Variants in GRIK4 observed in about 807,000 individuals in gnomAD.
GRIK4 encodes the protein glutamate ionotropic receptor kainate type subunit 4, also known as glutamate receptor ionotropic, kainate 4.
In GRIK4, 40 loss-of-function variants were observed where a neutral mutation model predicts 104.9. The ratio of observed to expected loss-of-function variants is 0.38; its 90% CI spans 0.30 to 0.50. GRIK4 has a LOEUF of 0.50. GRIK4 is among the 20% of genes least tolerant of loss of function. The pLI is 0.93. For missense variants in GRIK4, 1,047 were observed against 1,308.1 expected (o/e 0.80, Z 3.08); for synonymous variants, 485 against 524.9 (o/e 0.92, Z 1.04).
At chr11:120,784,366 G>A (rs868839836) in intron 3 of GRIK4, among the ~76,000 whole-genome samples, 5 of 152,134 alleles carry the variant, frequency 3.3e-5, no homozygotes, top group Non-Finnish European at 7.4e-5. Flanking sequence ...GGAAACAATC[G>A]AAGTAATGGC....
chr11:120,520,509 G>A (rs571911205), intron 1 of GRIK4, among the ~76,000 whole-genome samples: 2 of 152,330 alleles, frequency 1.3e-5, no homozygotes, highest in South Asian at 2.1e-4. Flanking sequence ...AGAAGGCAGC[G>A]ACATAAAGCA....
At chr11:120,933,306 C>G (rs1195837650) in intron 13 of GRIK4, among the ~76,000 whole-genome samples, 1 of 152,206 alleles carries the variant, frequency 6.6e-6, no homozygotes, top group African/African-American at 2.4e-5. Flanking sequence ...CATAAGGTCT[C>G]CATAAGCCCT....
At position 120,597,317 on chromosome 11, in the gene GRIK4, C is replaced by T. The variant is rs141874597; in HGVS notation, c.-158-56368C>T. On this transcript the variant is annotated intron_variant, in intron 1 of 20. Coordinates refer to ENST00000527524, the MANE Select transcript of GRIK4 (RefSeq NM_014619.5). ...CACCATGATGAGGAGATGATGTTTCCCGCAGAGGGTTCTGGGGAGGATGCA... is the reference window on the plus strand; with the variant it reads ...CACCATGATGAGGAGATGATGTTTCTCGCAGAGGGTTCTGGGGAGGATGCA... 6.6e-4 allele frequency among the ~76,000 whole-genome samples: 101 copies of T among 152,310 alleles called. 1 individual carries two copies. In the East Asian group the frequency reaches 0.019, roughly 28 times the overall value.
chr11:120,679,752 CT>C (rs1950160795), intron 3 of GRIK4, among the ~76,000 whole-genome samples: 1 of 152,224 alleles, frequency 6.6e-6, no homozygotes, highest in South Asian at 2.1e-4. Context: ...CATCCTCACT[CT>C]TTCTCAGTTC....
At chr11:120,722,587 C>G (rs1426470960) in intron 3 of GRIK4, among the ~76,000 whole-genome samples, 1 of 151,330 alleles carries the variant, frequency 6.6e-6, no homozygotes, top group African/African-American at 2.4e-5. Context: ...CAGCCTCCAG[C>G]CTGCGTGACA....
chr11:120,659,793 A>G (rs966689945), intron 2 of GRIK4, among the ~76,000 whole-genome samples: 1 of 152,228 alleles, frequency 6.6e-6, no homozygotes, highest in African/African-American at 2.4e-5. Flanking sequence ...GCAATGGCGA[A>G]TAGCGCAACC....
Position 120,905,257 on chromosome 11 carries a change from G to A in GRIK4, c.1273-33G>A, listed in dbSNP as rs1308194450. 4.6e-6 allele frequency: 7 copies of A among 1,505,958 alleles called. No homozygotes were observed. In the South Asian group the frequency reaches 7.9e-5, roughly 17 times the overall value. The allele number at this position is 1,505,958 out of a possible 1,614,324, so 93.3% of individuals were successfully genotyped here. ...CACGCGGGTGAGACACCAGGGCTAA[G>A]ATGAGAATGACAGCTGCCCAGTTTT... is the stretch of plus-strand genomic sequence containing the variant. On this transcript the variant is annotated intron_variant, in intron 12 of 20. Transcript: ENST00000527524. This position sits in a 1 kb window ranked among gnomAD's most constrained non-coding sequence, Gnocchi z 5.1.
At position 120,555,831 on chromosome 11, in the gene GRIK4, A is replaced by G. The variant is rs1347094024; in HGVS notation, c.-159+43944A>G. 6.6e-6 allele frequency among the ~76,000 whole-genome samples: 1 copy of G among 152,196 alleles called. No homozygotes were observed. The highest frequency in any genetic ancestry group is 1.5e-5 in the Non-Finnish European group (1 of 68,032). Reference sequence around the variant, plus strand: ...ATTGATGTCCCTGCCACCAAGAATCATGGCCATGCTGGGGCCACGCGTCTT... The same window carrying G: ...ATTGATGTCCCTGCCACCAAGAATCGTGGCCATGCTGGGGCCACGCGTCTT... On this transcript the variant is annotated intron_variant, in intron 1 of 20. Transcript: ENST00000527524. This position sits in a 1 kb window ranked among gnomAD's most constrained non-coding sequence, Gnocchi z 5.3.
At chr11:120,770,448 A>G (rs144144765) in intron 3 of GRIK4, among the ~76,000 whole-genome samples, 1 of 152,224 alleles carries the variant, frequency 6.6e-6, no homozygotes, top group Non-Finnish European at 1.5e-5. Flanking sequence ...CCATCACTGT[A>G]TCAGGCCCTG....
At position 120,653,744 on chromosome 11, in the gene GRIK4, G is replaced by A. The variant is rs949895296; in HGVS notation, c.-99G>A. 4 of 152,260 alleles carry A rather than the reference G, an allele frequency of 2.6e-5. No homozygotes were observed. The highest frequency in any genetic ancestry group is 4.8e-5 in the African/African-American group (2 of 41,458). The allele number at this position is 152,260 out of a possible 1,614,324, so 9.4% of individuals were successfully genotyped here. Reference sequence around the variant, plus strand: ...TGTGCTAGGCACTGAGGACACAGGTGGAAAAGCCCGAATTGCTCCCTGCTC... The same window carrying A: ...TGTGCTAGGCACTGAGGACACAGGTAGAAAAGCCCGAATTGCTCCCTGCTC... On this transcript the variant is annotated 5_prime_UTR_variant, in exon 2 of 21. Transcript: ENST00000527524.
At chr11:120,811,961 TAA>T (rs1952837912) in intron 4 of GRIK4, among the ~76,000 whole-genome samples, 1 of 152,216 alleles carries the variant, frequency 6.6e-6, no homozygotes, top group African/African-American at 2.4e-5. Context: ...CAGACATAAA[TAA>T]GACAGGTTCT....
intron 3 of GRIK4, among the ~76,000 whole-genome samples, chr11:120,762,672 C>T: frequency 6.6e-6 from 1 of 152,090 alleles, no homozygotes; most frequent in East Asian, 1.9e-4. Flanking sequence ...TATCAAAGGC[C>T]TTTTCTGCAT....
intron 1 of GRIK4, among the ~76,000 whole-genome samples, chr11:120,605,290 A>G (rs919055950): frequency 1.3e-5 from 2 of 152,228 alleles, no homozygotes; most frequent in South Asian, 4.1e-4. Context: ...TCACTCATGC[A>G]ATAAAGTGTT....
rs1009268431 is a variant in GRIK4 at position 120,764,709 on chromosome 11, T to G, written c.83-37984T>G. On this transcript the variant is annotated intron_variant, in intron 3 of 20. Coordinates refer to ENST00000527524, the MANE Select transcript of GRIK4 (RefSeq NM_014619.5). ...ATAAAGGATTTTATTTCTCTTTTACTTATGAAGCTTAGTTTGGCTGGATAT... is the reference window on the plus strand; with the variant it reads ...ATAAAGGATTTTATTTCTCTTTTACGTATGAAGCTTAGTTTGGCTGGATAT... Among the ~76,000 whole-genome samples the G allele has an allele frequency of 1.4e-4, 22 of 152,288 alleles. 1 individual carries two copies. The highest frequency in any genetic ancestry group is 2.6e-4 in the Non-Finnish European group (18 of 68,024).
chr11:120,655,487 A>G (rs1276857461), intron 2 of GRIK4, among the ~76,000 whole-genome samples: 1 of 152,156 alleles, frequency 6.6e-6, no homozygotes, highest in East Asian at 1.9e-4. Context: ...TGTGCAATGG[A>G]GAGCTCCCTA....
chr11:120,727,407 G>A (rs115747461), intron 3 of GRIK4, among the ~76,000 whole-genome samples: 2,353 of 152,230 alleles, frequency 0.015, 50 homozygotes, highest in African/African-American at 0.053. Flanking sequence ...TTTTTTAAAC[G>A]CTATATAAAA....
intron 3 of GRIK4, among the ~76,000 whole-genome samples, chr11:120,799,181 A>C (rs1294557180): frequency 6.6e-6 from 1 of 152,152 alleles, no homozygotes; most frequent in Non-Finnish European, 1.5e-5. Flanking sequence ...TACTTTATTT[A>C]TCTTACTACA....
intron 3 of GRIK4, among the ~76,000 whole-genome samples, chr11:120,730,686 CAATCAATGA>C (rs1283311240): frequency 2.0e-5 from 3 of 152,052 alleles, no homozygotes; most frequent in African/African-American, 7.2e-5. Flanking sequence ...TTGATTCTTC[CAATCAATGA>C]ACATGAAACA....
At chr11:120,808,512 T>A (rs1343913564) in intron 4 of GRIK4, among the ~76,000 whole-genome samples, 2 of 152,140 alleles carry the variant, frequency 1.3e-5, no homozygotes, top group African/African-American at 4.8e-5. Flanking sequence ...TGATACGCTG[T>A]TGGTGAGGAG....
Sources: allele counts gnomAD v4.1 joint callset (sites outside exome capture counted in the v4.1 genomes callset), GRCh38; gene constraint gnomAD v4.1.1; non-coding constraint Gnocchi (gnomAD v3.1); transcripts MANE v1.5; gene names NCBI Gene and HGNC (gene_info 2026-07-23, HGNC 2026-07-21).